RFX8: variants seen among roughly 807,000 people sequenced by gnomAD.
RFX8 encodes the protein DNA-binding protein RFX8.
In RFX8, 46 loss-of-function variants were observed where a neutral mutation model predicts 54.6. The ratio of observed to expected loss-of-function variants is 0.84; its 90% confidence interval spans 0.67 to 1.08. RFX8 has a LOEUF of 1.08. Among genes scored for constraint, RFX8 ranks in the 50% least tolerant of loss-of-function variants. The pLI is 0.00. For synonymous variants in RFX8, 192 were observed against 209.5 expected, an observed-to-expected ratio of 0.92 and a Z score of 0.72; for missense variants, 536 against 562.3, an observed-to-expected ratio of 0.95 and a Z score of 0.47.
chr2:101,474,151 TC>T, intron 1 of RFX8: 4 of 570,644 alleles, frequency 7.0e-6, no homozygotes, highest in South Asian at 3.7e-5. Context: ...ACGCTTCCCC[TC>T]CCCGGCCCCA....
Position 101,400,050 on chromosome 2 carries a change from G to A in RFX8, c.1246-2326C>T, listed in dbSNP as rs946793478. On this transcript the variant is annotated intron_variant, in intron 11 of 11. Transcript: ENST00000428343. ...TCCTCAGTTATGCCAGCTGTAAAAT[G>A]AGGTTGATGATAACACCTATTTCAT... Among the ~76,000 whole-genome samples the A allele has an allele frequency of 2.0e-5, 3 of 152,164 alleles. No homozygotes were observed. The South Asian group carries it at 6.2e-4, about 32-fold the overall frequency.
chr2:101,409,339 C>T (rs1040471247), intron 9 of RFX8, among the ~76,000 whole-genome samples: 2 of 152,094 alleles, frequency 1.3e-5, no homozygotes, highest in East Asian at 1.9e-4. Flanking sequence ...TCTCGTGCCT[C>T]AGCCTCCCGA....
chr2:101,419,755 A>AAAT (rs1460714946), intron 4 of RFX8, among the ~76,000 whole-genome samples: 1 of 152,226 alleles, frequency 6.6e-6, no homozygotes, highest in African/African-American at 2.4e-5. Flanking sequence ...CTCCCGAATT[A>AAAT]CATGGCCACA....
intron 2 of RFX8, among the ~76,000 whole-genome samples, chr2:101,455,020 C>CT (rs556030262): frequency 1.5e-3 from 207 of 142,286 alleles, no homozygotes; most frequent in East Asian, 1.0e-2. Context: ...TTTCTTTTTT[C>CT]TTTTTTTTTT....
At chr2:101,448,040 A>T (rs1688485214) in intron 2 of RFX8, among the ~76,000 whole-genome samples, 1 of 152,186 alleles carries the variant, frequency 6.6e-6, no homozygotes, top group Admixed American at 6.5e-5. Flanking sequence ...AGCTCTCTGA[A>T]GCCTCTTTTA....
At chr2:101,469,048 A>ATATATG (rs1689768904) in intron 1 of RFX8, among the ~76,000 whole-genome samples, 2 of 41,088 alleles carry the variant, frequency 4.9e-5, no homozygotes, top group African/African-American at 1.8e-4. Flanking sequence ...ATATGTATAT[A>ATATATG]TATATACGTA....
At chr2:101,452,265 A>G in intron 2 of RFX8, 1 of 537,020 alleles carries the variant, frequency 1.9e-6, no homozygotes, top group Non-Finnish European at 3.2e-6. Flanking sequence ...AATTGTGGAC[A>G]CTCTTTGGTA....
At chr2:101,469,020 ATATATATATACG>A (rs1276328244) in intron 1 of RFX8, among the ~76,000 whole-genome samples, 26 of 100,726 alleles carry the variant, frequency 2.6e-4, no homozygotes, top group Admixed American at 4.4e-4. Context: ...ATATATAGGT[ATATATATATACG>A]TATATATATG....
At position 101,456,600 on chromosome 2, in the gene RFX8, T is replaced by A. The variant is rs1192849288; in HGVS notation, c.72+10177A>T. ...GTGGATAAGCTTTTTGATGTGCTAC[T>A]GGATTCGGTTTGCCAGTATTTTATT... On this transcript the variant is annotated intron_variant, in intron 2 of 11. Transcript: ENST00000428343. 2.6e-5 allele frequency among the ~76,000 whole-genome samples: 4 copies of A among 152,362 alleles called. No homozygotes were observed. In the East Asian group the frequency reaches 7.7e-4, roughly 29 times the overall value.
At chr2:101,446,613 A>G (rs898408014) in intron 2 of RFX8, among the ~76,000 whole-genome samples, 6 of 152,122 alleles carry the variant, frequency 3.9e-5, no homozygotes, top group African/African-American at 1.4e-4. Context: ...CACCGATGAT[A>G]AAGCCTATCT....
In RFX8 at chr2:101,405,872, G is replaced by A. The variant is rs895974208; in HGVS notation, c.928+71C>T. 40 of 945,642 alleles carry A rather than the reference G, an allele frequency of 4.2e-5. No homozygotes were observed. The African/African-American group carries it at 4.7e-4, about 11-fold the overall frequency. 58.6% of individuals were successfully genotyped at this position (945,642 alleles called of 1,614,324 possible). A position where few individuals can be genotyped will look rare whatever the true frequency, so the allele number is the denominator to read the frequency against. On this transcript the variant is annotated intron_variant, in intron 10 of 11. Transcript: ENST00000428343. ...ACGGCTGGATTCTACATAGCAATAC[G>A]CAAAATACTTATGCCATAATGACAT...
intron 2 of RFX8, among the ~76,000 whole-genome samples, chr2:101,449,301 G>A: frequency 6.6e-6 from 1 of 152,174 alleles, no homozygotes; most frequent in East Asian, 1.9e-4. Flanking sequence ...AAGAGACAAA[G>A]CAAATGTAGA....
intron 6 of RFX8, among the ~76,000 whole-genome samples, chr2:101,416,033 C>T (rs914621229): frequency 3.3e-5 from 5 of 152,158 alleles, no homozygotes; most frequent in Non-Finnish European, 5.9e-5. Flanking sequence ...ATGGGAGTCC[C>T]TTGGGAGATG....
chr2:101,465,021 G>C (rs772525512), intron 2 of RFX8, among the ~76,000 whole-genome samples: 100 of 152,262 alleles, frequency 6.6e-4, no homozygotes, highest in Non-Finnish European at 1.2e-3. Flanking sequence ...CCAATATTTG[G>C]AGTGATGAAA....
chr2:101,412,837 C>A lies in RFX8; in HGVS notation c.718+78G>T, dbSNP rs1371184069. On this transcript the variant is annotated intron_variant, in intron 8 of 11. Transcript: ENST00000428343. ...AAAGTTCTACCCCTATTAAGAAATT[C>A]ATGAGTTAACGATGGCCATGCTAGC... The A allele has an allele frequency of 2.0e-5, 27 of 1,330,998 alleles. 1 individual carries two copies. In the Admixed American group the frequency reaches 6.0e-4, roughly 30 times the overall value. The allele number at this position is 1,330,998 out of a possible 1,614,324, so 82.4% of individuals were successfully genotyped here.
At chr2:101,473,910 G>A (rs1350788899) in intron 1 of RFX8, among the ~76,000 whole-genome samples, 1 of 152,182 alleles carries the variant, frequency 6.6e-6, no homozygotes, top group Non-Finnish European at 1.5e-5. Flanking sequence ...TCCAACCAAC[G>A]GGTCCCCGCG....
At chr2:101,408,941 T>G (rs1336036322) in intron 9 of RFX8, among the ~76,000 whole-genome samples, 1 of 152,150 alleles carries the variant, frequency 6.6e-6, no homozygotes, top group African/African-American at 2.4e-5. Context: ...GCCAGAAGCT[T>G]AAAGAGAAAG....
chr2:101,412,160 G>A (rs1222176904), intron 8 of RFX8, among the ~76,000 whole-genome samples: 2 of 152,152 alleles, frequency 1.3e-5, no homozygotes, highest in Non-Finnish European at 2.9e-5. Flanking sequence ...ACACACAGGG[G>A]AGCCTGGCAC....
chr2:101,414,549 C>T (rs1440094833), intron 7 of RFX8, among the ~76,000 whole-genome samples: 1 of 152,026 alleles, frequency 6.6e-6, no homozygotes, highest in Non-Finnish European at 1.5e-5. Context: ...GCCGCGATTA[C>T]AGGTACGAGC....
Sources: allele counts gnomAD v4.1 joint callset (sites outside exome capture counted in the v4.1 genomes callset), GRCh38; gene constraint gnomAD v4.1.1; transcripts MANE v1.5; gene names NCBI Gene and HGNC (gene_info 2026-07-23, HGNC 2026-07-21).